AADAT: variants seen among roughly 807,000 people sequenced by gnomAD.
AADAT encodes the protein kynurenine/alpha-aminoadipate aminotransferase, mitochondrial.
Under a neutral mutation model 56.2 loss-of-function variants are expected in AADAT, and 25 were observed. That is an observed-to-expected ratio of 0.44 (90% CI 0.32 to 0.62). The LOEUF is 0.62. Ranked by LOEUF, AADAT falls within the 20% of genes least tolerant of loss-of-function variation. AADAT has a pLI of 0.04. For missense variants in AADAT, 387 were observed against 510.5 expected, an observed-to-expected ratio of 0.76 and a Z score of 2.33; for synonymous variants, 173 against 164.7, an observed-to-expected ratio of 1.05 and a Z score of -0.39.
chr4:170,093,790 G>A (rs140247791), upstream of AADAT, among the ~76,000 whole-genome samples: 534 of 152,220 alleles, frequency 3.5e-3, 7 homozygotes, highest in East Asian at 0.016. Flanking sequence ...TAGAGACAGG[G>A]TCTCCCTATG....
upstream of AADAT, among the ~76,000 whole-genome samples, chr4:170,093,484 C>G (rs543976093): frequency 2.6e-5 from 4 of 152,060 alleles, no homozygotes; most frequent in African/African-American, 4.8e-5. Flanking sequence ...GGAACCTGTT[C>G]GGTCAAAGGA....
rs753702003 is a variant in AADAT, at chr4:170,069,217, G to C, written c.734C>G (p.Thr245Arg). 6.2e-7 allele frequency: 1 copy of C among 1,613,626 alleles called. No homozygotes were observed. The highest frequency in any genetic ancestry group is 8.5e-7 in the Non-Finnish European group (1 of 1,179,862). The change falls in exon 7 of 13, where the codon ACA becomes AGA. Residue 245 changes from threonine to arginine, a missense_variant. Physicochemically the swap from Thr to Arg is moderately conservative, Grantham distance 71. Transcript: ENST00000337664. Reference protein sequence around the residue: ...FLQFNKFRVPTFLSMDVDGRV... With the variant: ...FLQFNKFRVPRFLSMDVDGRV... ...TCCATCAACATCCATGGAAAGAAAT[G>C]TTGGTACCCTGAACTTAAAATGAAA...
chr4:170,089,910 T>C lies in AADAT; in HGVS notation c.-220A>G, dbSNP rs1732751121. 1 of 483,874 alleles carries C rather than the reference T, an allele frequency of 2.1e-6. No homozygotes were observed. The allele number at this position is 483,874 out of a possible 1,614,324, so 30.0% of individuals were successfully genotyped here. A position where few individuals can be genotyped will look rare whatever the true frequency, so the allele number is the denominator to read the frequency against. On this transcript the variant is annotated 5_prime_UTR_variant, in exon 1 of 13. Coordinates refer to ENST00000337664, the MANE Select transcript of AADAT (RefSeq NM_016228.4). The stretch of plus-strand genomic sequence containing the variant: ...TCGGTCTCCCGGTCCTAAACGGGTC[T>C]GGGGCTGTGTGGCGAGCCCGGCAAA...
intron 11 of AADAT, among the ~76,000 whole-genome samples, chr4:170,064,390 G>A (rs923926601): frequency 2.0e-5 from 3 of 152,132 alleles, no homozygotes; most frequent in African/African-American, 7.2e-5. Context: ...GCACAGAAAG[G>A]GTAACCTATT....
rs1222510292 is a variant in AADAT, at chr4:170,073,358, A to G, written c.445-13T>C. On this transcript the variant is annotated splice_polypyrimidine_tract_variant and intron_variant, in intron 4 of 12. Coordinates refer to ENST00000337664, the MANE Select transcript of AADAT (RefSeq NM_016228.4). The stretch of plus-strand genomic sequence containing the variant: ...CCAGTGGGTGCAGCTGTTGAGCACA[A>G]AAGAAAGCCTGAGTCAGTCATGATT... 4 of 1,609,790 alleles carry G rather than the reference A, an allele frequency of 2.5e-6. No individual in the cohort carries two copies. The African/African-American group carries it at 4.0e-5, about 16-fold the overall frequency.
In AADAT at chr4:170,088,387, G is replaced by T. The variant is rs368063451; in HGVS notation, c.236+9C>A. On this transcript the variant is annotated intron_variant, in intron 2 of 12. Coordinates refer to ENST00000337664, the MANE Select transcript of AADAT (RefSeq NM_016228.4). ...AGCCAATAAAATTATGTTAAGTATT[G>T]ATACTTACCCAGCACTCGGAGAATA... 3.2e-6 allele frequency: 5 copies of T among 1,578,930 alleles called. No individual in the cohort carries two copies. The highest frequency in any genetic ancestry group is 4.3e-6 in the Non-Finnish European group (5 of 1,153,850).
upstream of AADAT, among the ~76,000 whole-genome samples, chr4:170,092,917 C>A (rs769265059): frequency 2.0e-5 from 3 of 152,240 alleles, no homozygotes; most frequent in Non-Finnish European, 2.9e-5. Flanking sequence ...TCAGTTAATC[C>A]ATGCACACAG....
Position 170,089,758 on chromosome 4 carries a change from G to T in AADAT, c.-68C>A. On this transcript the variant is annotated 5_prime_UTR_variant, in exon 1 of 13. Coordinates refer to ENST00000337664, the MANE Select transcript of AADAT (RefSeq NM_016228.4). ...AGGACTAGAAAAACCAAAGAGCCTC[G>T]TCAAGTCCTGCCTGCTAACTCCTCA... The T allele has an allele frequency of 6.6e-7, 1 of 1,522,538 alleles. No individual in the cohort carries two copies. Among genetic ancestry groups the T allele is most frequent in the Non-Finnish European group, 9.1e-7 (1 of 1,102,110 alleles). The allele number at this position is 1,522,538 out of a possible 1,614,324, so 94.3% of individuals were successfully genotyped here. A position where few individuals can be genotyped will look rare whatever the true frequency, so the allele number is the denominator to read the frequency against.
chr4:170,073,258 A>T lies in AADAT; in HGVS notation c.532T>A (p.Trp178Arg). The change falls in exon 5 of 13, where the codon TGG becomes AGG. Residue 178 changes from tryptophan (W) to arginine (R), a missense_variant. Trp to Arg is a moderately radical substitution (Grantham distance 101, BLOSUM62 -3). Coordinates refer to ENST00000337664, the MANE Select transcript of AADAT (RefSeq NM_016228.4). The stretch of plus-strand genomic sequence containing the variant: ...GGATTCTTTGCATCTTCTGGTTTCC[A>T]TCTGGAAAGTATGTCTCTTAGGGAA... Reference protein sequence around the residue: ...PDSLRDILSRWKPEDAKNPQK... With the variant: ...PDSLRDILSRRKPEDAKNPQK... 1 of 1,614,112 alleles carries T rather than the reference A, an allele frequency of 6.2e-7. No homozygotes were observed. The highest frequency in any genetic ancestry group is 2.2e-5 in the East Asian group (1 of 44,884).
chr4:170,093,780 T>C (rs1732935831), upstream of AADAT, among the ~76,000 whole-genome samples: 1 of 152,176 alleles, frequency 6.6e-6, no homozygotes, highest in African/African-American at 2.4e-5. Context: ...AAATACCTTG[T>C]AGAGACAGGG....
upstream of AADAT, among the ~76,000 whole-genome samples, chr4:170,092,788 C>T (rs966503292): frequency 6.6e-6 from 1 of 152,204 alleles, no homozygotes; most frequent in Non-Finnish European, 1.5e-5. Context: ...GTGGTCTGCA[C>T]GTTGTAAAAA....
chr4:170,091,870 C>A (rs1172141528), upstream of AADAT, among the ~76,000 whole-genome samples: 9 of 152,202 alleles, frequency 5.9e-5, no homozygotes, highest in Non-Finnish European at 7.3e-5. Context: ...TGTGAATACA[C>A]CAATCAGCAC....
At chr4:170,076,437 C>T (rs1278591338) in intron 4 of AADAT, among the ~76,000 whole-genome samples, 7 of 152,104 alleles carry the variant, frequency 4.6e-5, no homozygotes, top group East Asian at 3.9e-4. Context: ...GGCTTTCATA[C>T]GTTGATTTAT....
chr4:170,081,895 A>G (rs755817109), intron 3 of AADAT, among the ~76,000 whole-genome samples: 3 of 152,194 alleles, frequency 2.0e-5, no homozygotes, highest in Non-Finnish European at 4.4e-5. Flanking sequence ...GCGATCATCC[A>G]AGAATATTGT....
At chr4:170,090,967 T>TAA (rs545826198), upstream of AADAT, among the ~76,000 whole-genome samples, 316 of 152,372 alleles carry the variant, frequency 2.1e-3, 1 homozygote, top group African/African-American at 5.7e-3. Context: ...AGCCACTGCT[T>TAA]TTATCTAGGT....
chr4:170,086,441 C>T (rs1035678453), intron 3 of AADAT, among the ~76,000 whole-genome samples: 5 of 151,708 alleles, frequency 3.3e-5, no homozygotes, highest in African/African-American at 1.2e-4. Context: ...GAAATACAGA[C>T]ATATAAATAG....
At chr4:170,062,928 A>G (rs931645583) in intron 11 of AADAT, among the ~76,000 whole-genome samples, 3 of 152,190 alleles carry the variant, frequency 2.0e-5, no homozygotes, top group Non-Finnish European at 4.4e-5. Context: ...TTAGAATTAT[A>G]TGTGAGTCAG....
chr4:170,068,144 A>G (rs1731572275), intron 8 of AADAT, among the ~76,000 whole-genome samples: 1 of 151,722 alleles, frequency 6.6e-6, no homozygotes. Context: ...GTCTCAAAAA[A>G]AAAAAAAAAA....
upstream of AADAT, among the ~76,000 whole-genome samples, chr4:170,094,168 G>T (rs1018697648): frequency 6.6e-6 from 1 of 152,218 alleles, no homozygotes; most frequent in African/African-American, 2.4e-5. Context: ...ATCAGGGCAG[G>T]CTAATGGAAT....
Sources: gnomAD v4.1 joint callset for allele counts (sites outside exome capture counted in the v4.1 genomes callset) on GRCh38, gnomAD v4.1.1 for gene constraint, MANE v1.5 for transcripts, NCBI Gene and HGNC (gene_info 2026-07-23, HGNC 2026-07-21) for gene names.